Variants in TCF4 observed in about 807,000 individuals in gnomAD.
The protein encoded by TCF4 is SL3-3 enhancer factor 2.
Under a neutral mutation model 82.1 loss-of-function variants are expected in TCF4, and 3 were observed. The observed-to-expected ratio is 0.04, with a 90% CI of 0.02 to 0.09. TCF4 has a LOEUF of 0.09. TCF4 is among the 10% of genes least tolerant of loss of function. TCF4 has a pLI of 1.00. For missense variants in TCF4, 518 were observed against 852.7 expected (o/e 0.61, Z 4.89); for synonymous variants, 276 against 309.6 (o/e 0.89, Z 1.14).
chr18:55,342,527 G>C (rs982189454), intron 8 of TCF4, among the ~76,000 whole-genome samples: 2 of 152,042 alleles, frequency 1.3e-5, no homozygotes, highest in African/African-American at 4.8e-5. Flanking sequence ...TGACCAAATC[G>C]TTTAAAAAAT....
chr18:55,619,966 C>T (rs2097716023), intron 2 of TCF4, among the ~76,000 whole-genome samples: 1 of 152,146 alleles, frequency 6.6e-6, no homozygotes, highest in Non-Finnish European at 1.5e-5. Context: ...CCCCACGTGC[C>T]AAGGGAGAGA....
At chr18:55,379,291 G>T (rs1433080849) in intron 6 of TCF4, among the ~76,000 whole-genome samples, 1 of 152,224 alleles carries the variant, frequency 6.6e-6, no homozygotes, top group Non-Finnish European at 1.5e-5. Flanking sequence ...ACAGAACACA[G>T]AGTAGTTTAT....
intron 3 of TCF4, among the ~76,000 whole-genome samples, chr18:55,540,318 A>C (rs963600252): frequency 1.3e-5 from 2 of 152,076 alleles, no homozygotes; most frequent in Non-Finnish European, 2.9e-5. Flanking sequence ...CAAAACAAAA[A>C]AAACAGAATA....
chr18:55,252,104 C>T (rs934689884), intron 15 of TCF4, among the ~76,000 whole-genome samples: 39 of 152,166 alleles, frequency 2.6e-4, no homozygotes, highest in African/African-American at 8.9e-4. Flanking sequence ...CAAACCAATC[C>T]TTTTCACACA....
At chr18:55,343,112 G>A (rs2080370550) in intron 8 of TCF4, among the ~76,000 whole-genome samples, 2 of 152,040 alleles carry the variant, frequency 1.3e-5, no homozygotes, top group Admixed American at 6.6e-5. Context: ...GACACTTTTT[G>A]TATGTGTATG....
intron 6 of TCF4, among the ~76,000 whole-genome samples, chr18:55,403,079 C>T (rs2093916193): frequency 6.6e-6 from 1 of 152,152 alleles, no homozygotes; most frequent in Admixed American, 6.5e-5. Flanking sequence ...CACCCGAAAC[C>T]CAGGGTCTGA....
At chr18:55,257,832 T>C (rs2145613820) in intron 13 of TCF4, among the ~76,000 whole-genome samples, 1 of 152,298 alleles carries the variant, frequency 6.6e-6, no homozygotes, top group South Asian at 2.1e-4. Context: ...TAGAAAAAGA[T>C]AAATCTTGAA....
chr18:55,236,157 T>C (rs1048300243), intron 15 of TCF4, among the ~76,000 whole-genome samples: 1 of 152,106 alleles, frequency 6.6e-6, no homozygotes, highest in African/African-American at 2.4e-5. Flanking sequence ...ATTAATTGTT[T>C]GGATTCAAAA....
At chr18:55,310,699 A>T (rs1382652536) in intron 8 of TCF4, among the ~76,000 whole-genome samples, 1 of 152,190 alleles carries the variant, frequency 6.6e-6, no homozygotes, top group Non-Finnish European at 1.5e-5. Context: ...TTAAATTTTA[A>T]TCTTTTCTTG....
intron 3 of TCF4, among the ~76,000 whole-genome samples, chr18:55,496,983 A>G (rs1166066056): frequency 6.6e-6 from 1 of 152,060 alleles, no homozygotes. Context: ...AAGACCAAAA[A>G]TGGCATCCTG....
chr18:55,262,963 C>T (rs750628651), intron 11 of TCF4, among the ~76,000 whole-genome samples: 11 of 152,014 alleles, frequency 7.2e-5, no homozygotes, highest in Non-Finnish European at 1.2e-4. Context: ...CACGCCACCA[C>T]GCCAAGTAAT....
In TCF4 at chr18:55,460,363, T is replaced by A. The variant is rs566979400; in HGVS notation, c.304+656A>T. Among the ~76,000 whole-genome samples the A allele has an allele frequency of 2.0e-5, 3 of 152,178 alleles. No individual in the cohort carries two copies. In the South Asian group the frequency reaches 6.2e-4, roughly 32 times the overall value. On this transcript the variant is annotated intron_variant, in intron 5 of 19. Coordinates refer to ENST00000354452, the MANE Select transcript of TCF4 (RefSeq NM_001083962.2). ...GTTACTGCTGTTAAACAAACATCCC[T>A]ACAGGGTAGCCAAAAGCAGAAAAAC... is the stretch of plus-strand genomic sequence containing the variant.
intron 3 of TCF4, among the ~76,000 whole-genome samples, chr18:55,537,487 C>A (rs905390789): frequency 6.6e-6 from 1 of 151,780 alleles, no homozygotes; most frequent in Non-Finnish European, 1.5e-5. Context: ...CTACTCAAAA[C>A]GCTGAAGTGG....
chr18:55,275,292 A>AAAAAAAAAC (rs1568617237), intron 10 of TCF4, among the ~76,000 whole-genome samples: 2 of 150,536 alleles, frequency 1.3e-5, no homozygotes. Context: ...AAAAAAAAAA[A>AAAAAAAAAC]AAAAAACCAG....
At chr18:55,339,736 A>G (rs2079428554) in intron 8 of TCF4, among the ~76,000 whole-genome samples, 1 of 152,186 alleles carries the variant, frequency 6.6e-6, no homozygotes, top group Non-Finnish European at 1.5e-5. Flanking sequence ...GAGTTAACTA[A>G]ATCAGCCTTT....
intron 8 of TCF4, among the ~76,000 whole-genome samples, chr18:55,282,515 T>G (rs2062824382): frequency 6.6e-6 from 1 of 152,098 alleles, no homozygotes; most frequent in South Asian, 2.1e-4. Flanking sequence ...TTTCAAAGTA[T>G]GGGTTTCAAT....
chr18:55,303,224 C>T (rs1033778681), intron 8 of TCF4, among the ~76,000 whole-genome samples: 10 of 114,558 alleles, frequency 8.7e-5, no homozygotes, highest in African/African-American at 3.4e-4. Flanking sequence ...GCTCCCAGTA[C>T]GTACACACAC....
chr18:55,364,248 T>C (rs2086243276), intron 6 of TCF4, among the ~76,000 whole-genome samples: 1 of 152,212 alleles, frequency 6.6e-6, no homozygotes, highest in African/African-American at 2.4e-5. Context: ...TACATGTGCA[T>C]AGATGCCTAT....
At chr18:55,302,268 A>T in intron 8 of TCF4, 1 of 716,894 alleles carries the variant, frequency 1.4e-6, no homozygotes, top group Non-Finnish European at 2.3e-6. Flanking sequence ...AGAGCGAATT[A>T]AAATGAAAGT....
Sources: allele counts gnomAD v4.1 joint callset (sites outside exome capture counted in the v4.1 genomes callset), GRCh38; gene constraint gnomAD v4.1.1; transcripts MANE v1.5; gene names NCBI Gene and HGNC (gene_info 2026-07-23, HGNC 2026-07-21).